The following SLC39A10 variants were observed in gnomAD, a reference collection of about 807,000 sequenced individuals.
SLC39A10 encodes solute carrier family 39 member 10, also known as zinc transporter ZIP10.
In SLC39A10, 13 loss-of-function variants were observed where a neutral mutation model predicts 65.1. The ratio of observed to expected loss-of-function variants is 0.20; its 90% CI spans 0.13 to 0.32. The LOEUF (loss-of-function observed/expected upper bound fraction) is 0.32. Ranked by LOEUF, SLC39A10 falls within the 10% of genes least tolerant of loss-of-function variation. The probability of loss-of-function intolerance (pLI) is 1.00; values close to 1 mark genes in which losing one functional copy is unlikely to be tolerated. For synonymous variants in SLC39A10, 321 were observed against 342.2 expected (o/e 0.94, Z 0.68); for missense variants, 831 against 1,018.4 (o/e 0.82, Z 2.50).
rs1197987077 is a variant in SLC39A10 at position 195,719,524 on chromosome 2, T to A, written c.2146+1192T>A. On this transcript the variant is annotated intron_variant, in intron 8 of 9. Transcript: ENST00000359634. ...CACTCAGAAACAGAATTGACAGGTC[T>A]AGGGTATGCATGCTAAAGCAGTATG... Among the ~76,000 whole-genome samples the A allele has an allele frequency of 2.6e-5, 4 of 152,322 alleles. No individual in the cohort carries two copies. The East Asian group carries it at 5.8e-4, about 22-fold the overall frequency.
chr2:195,613,644 G>A (rs1688144644), intron 2 of SLC39A10, among the ~76,000 whole-genome samples: 2 of 152,102 alleles, frequency 1.3e-5, no homozygotes, highest in South Asian at 4.1e-4. Context: ...TTAATAAAGT[G>A]GAAGTTCAAC....
chr2:195,620,143 C>G (rs1688321464), intron 2 of SLC39A10, among the ~76,000 whole-genome samples: 1 of 152,088 alleles, frequency 6.6e-6, no homozygotes, highest in Non-Finnish European at 1.5e-5. Flanking sequence ...AGGCTGGTCT[C>G]AAACTCCTGA....
chr2:195,663,186 C>T (rs1317234196), intron 1 of SLC39A10, among the ~76,000 whole-genome samples: 1 of 152,164 alleles, frequency 6.6e-6, no homozygotes, highest in African/African-American at 2.4e-5. Context: ...TTTATGCCGC[C>T]TATGTCTCAT....
At chr2:195,712,686 G>A (rs560549516) in intron 5 of SLC39A10, among the ~76,000 whole-genome samples, 1 of 152,112 alleles carries the variant, frequency 6.6e-6, no homozygotes, top group Non-Finnish European at 1.5e-5. Context: ...AAAGAAGAAA[G>A]CAGTAAAAGC....
Position 195,736,495 on chromosome 2 carries a change from A to G in SLC39A10, c.*1454A>G, listed in dbSNP as rs957296959. The G allele has an allele frequency of 1.3e-5, 2 of 155,950 alleles. No individual in the cohort carries two copies. The highest frequency in any genetic ancestry group is 1.5e-4 in the Admixed American group (2 of 13,328). The allele number at this position is 155,950 out of a possible 1,614,324, so 9.7% of individuals were successfully genotyped here. A position where few individuals can be genotyped will look rare whatever the true frequency, so the allele number is the denominator to read the frequency against. ...ACAATCTATCTTATTGTTCAAATATATAAGAGCCAAACTCTTTTCCATTCC... is the reference window on the plus strand; with the variant it reads ...ACAATCTATCTTATTGTTCAAATATGTAAGAGCCAAACTCTTTTCCATTCC... On this transcript the variant is annotated 3_prime_UTR_variant, in exon 10 of 10. Transcript: ENST00000359634.
intron 3 of SLC39A10, among the ~76,000 whole-genome samples, chr2:195,689,120 A>G (rs1399887181): frequency 6.6e-6 from 1 of 152,228 alleles, no homozygotes; most frequent in Non-Finnish European, 1.5e-5. Flanking sequence ...ATTAAAAATT[A>G]GAGGACTGGC....
At chr2:195,657,567 CT>C (rs1689200551) in intron 1 of SLC39A10, 1 of 983,738 alleles carries the variant, frequency 1.0e-6, no homozygotes, top group Non-Finnish European at 1.2e-6. Context: ...GCGGCATCCA[CT>C]TCGCGTGCGG....
chr2:195,672,461 A>T (rs1267166463), intron 1 of SLC39A10, among the ~76,000 whole-genome samples: 1 of 152,180 alleles, frequency 6.6e-6, no homozygotes, highest in Admixed American at 6.5e-5. Flanking sequence ...TACATCTGCT[A>T]TAGTAGTTCT....
intron 3 of SLC39A10, among the ~76,000 whole-genome samples, chr2:195,703,215 G>T (rs1009848870): frequency 4.6e-5 from 7 of 152,120 alleles, no homozygotes; most frequent in African/African-American, 1.7e-4. Flanking sequence ...AGTATAATAT[G>T]ACAATAGCTA....
chr2:195,685,940 TCA>T (rs1690508453), intron 3 of SLC39A10, among the ~76,000 whole-genome samples: 1 of 152,232 alleles, frequency 6.6e-6, no homozygotes, highest in African/African-American at 2.4e-5. Context: ...TGTGAATGTA[TCA>T]GTCAGCCTGG....
Position 195,729,217 on chromosome 2 carries a change from A to G in SLC39A10, c.2337+868A>G, listed in dbSNP as rs191402551. On this transcript the variant is annotated intron_variant, in intron 9 of 9. Coordinates refer to ENST00000359634, the MANE Select transcript of SLC39A10 (RefSeq NM_020342.3). Reference sequence around the variant, plus strand: ...GGCTGGTCTCAAACTCCTGGGCCCAAGCAGTCTTCCTGCCTCAGCCTCTCA... The same window carrying G: ...GGCTGGTCTCAAACTCCTGGGCCCAGGCAGTCTTCCTGCCTCAGCCTCTCA... 1.4e-3 allele frequency among the ~76,000 whole-genome samples: 211 copies of G among 152,290 alleles called. 1 individual carries two copies. The highest frequency in any genetic ancestry group is 5.0e-3 in the African/African-American group (208 of 41,554).
At chr2:195,713,600 T>C (rs201688389) in intron 6 of SLC39A10, 47 bp downstream of exon 6, 154 of 1,524,358 alleles carry the variant, frequency 1.0e-4, no homozygotes, top group Non-Finnish European at 1.3e-4. Flanking sequence ...TTTTTTTTTT[T>C]TCATTCAAAT....
intron 5 of SLC39A10, among the ~76,000 whole-genome samples, chr2:195,712,109 T>A (rs1691619773): frequency 6.6e-6 from 1 of 152,232 alleles, no homozygotes; most frequent in African/African-American, 2.4e-5. Context: ...GATTAGGATG[T>A]ATAGGGCTGG....
At chr2:195,701,264 T>C (rs1376368735) in intron 3 of SLC39A10, among the ~76,000 whole-genome samples, 1 of 151,820 alleles carries the variant, frequency 6.6e-6, no homozygotes, top group East Asian at 1.9e-4. Flanking sequence ...TTCCAGAGTT[T>C]CTTTTTGATT....
intron 2 of SLC39A10, among the ~76,000 whole-genome samples, chr2:195,619,736 G>GA (rs528719816): frequency 2.2e-4 from 33 of 150,488 alleles, no homozygotes; most frequent in Non-Finnish European, 4.0e-4. Context: ...AATAAAAAAA[G>GA]AAAAAAAAAC....
Position 195,695,110 on chromosome 2 carries a change from C to T in SLC39A10, c.1216+11204C>T, listed in dbSNP as rs146892333. On this transcript the variant is annotated intron_variant, in intron 3 of 9. Transcript: ENST00000359634. ...AACTTCCTGAGGCTCCACCCCAGTG[C>T]GCATTCCTCTCAGTGCTCAAGCCAG... 8.2e-3 allele frequency among the ~76,000 whole-genome samples: 1,252 copies of T among 152,336 alleles called. 19 individuals carry two copies. The highest frequency in any genetic ancestry group is 0.028 in the African/African-American group (1,155 of 41,570).
chr2:195,698,019 T>C (rs1691035189), intron 3 of SLC39A10, among the ~76,000 whole-genome samples: 1 of 152,192 alleles, frequency 6.6e-6, no homozygotes, highest in African/African-American at 2.4e-5. Context: ...GATGGTTCAT[T>C]GTTAGTATAT....
rs776079232 is a variant in SLC39A10, at chr2:195,619,114, A to AG, written c.-12+12881_-12+12882insG. 4.4e-3 allele frequency among the ~76,000 whole-genome samples: 584 copies of AG among 131,972 alleles called. 1 individual carries two copies. The highest frequency in any genetic ancestry group is 0.016 in the African/African-American group (515 of 31,588). The allele number at this position is 131,972 out of a possible 152,430, so 86.6% of individuals were successfully genotyped here. On this transcript the variant is annotated intron_variant, in intron 2 of 2. Coordinates refer to the SLC39A10 transcript ENST00000458054. ...TCTCAAAAAAAAAAAAAAAAAAAAA[A>AG]AGAGAGAGAGAGAAAGGAAAGAATA...
At chr2:195,621,481 T>C (rs985661995) in intron 2 of SLC39A10, among the ~76,000 whole-genome samples, 1 of 152,204 alleles carries the variant, frequency 6.6e-6, no homozygotes, top group Non-Finnish European at 1.5e-5. Context: ...GAATTCAGCG[T>C]AGGGGCAAGG....
Sources: allele counts gnomAD v4.1 joint callset (sites outside exome capture counted in the v4.1 genomes callset), GRCh38; gene constraint gnomAD v4.1.1; transcripts MANE v1.5; gene names NCBI Gene and HGNC (gene_info 2026-07-23, HGNC 2026-07-21).